Variants in METTL2B observed in about 807,000 individuals in gnomAD.
METTL2B encodes the protein tRNA N(3)-cytidine methyltransferase METTL2B.
Under a neutral mutation model 51.0 loss-of-function variants are expected in METTL2B, and 28 were observed. The observed-to-expected ratio is 0.55, with a 90% confidence interval of 0.41 to 0.75. The LOEUF (loss-of-function observed/expected upper bound fraction) is 0.75. Ranked by LOEUF, METTL2B falls within the 30% of genes least tolerant of loss-of-function variation. The probability of loss-of-function intolerance (pLI) is 0.00; values close to 1 mark genes in which losing one functional copy is unlikely to be tolerated. For synonymous variants in METTL2B, 128 were observed against 166.3 expected, an observed-to-expected ratio of 0.77 and a Z score of 1.77; for missense variants, 313 against 460.7, an observed-to-expected ratio of 0.68 and a Z score of 2.93.
rs1792832867 is a variant in METTL2B, at chr7:128,491,561, TC to T, written c.670-2241del. On this transcript the variant is annotated intron_variant, in intron 5 of 8. Transcript: ENST00000262432. The stretch of plus-strand genomic sequence containing the variant: ...GTGAGCCAAGATCACGCCATTGCAC[TC>T]CAGCCTGGGCTACAAGAGCGAAACT... Among the ~76,000 whole-genome samples the T allele has an allele frequency of 2.7e-5, 4 of 148,454 alleles. No individual in the cohort carries two copies. The South Asian group carries it at 8.6e-4, about 32-fold the overall frequency.
chr7:128,479,876 T>C (rs1799851302), intron 3 of METTL2B, among the ~76,000 whole-genome samples: 2 of 152,246 alleles, frequency 1.3e-5, no homozygotes, highest in Admixed American at 1.3e-4. Context: ...TTGTTGCTTC[T>C]CTTCTAATAC....
chr7:128,501,071 G>A, intron 8 of METTL2B, 103 bp downstream of exon 8: 1 of 1,569,640 alleles, frequency 6.4e-7, no homozygotes, highest in South Asian at 1.2e-5. Flanking sequence ...CTTTTAGGCA[G>A]GCTGTTTCCT....
rs370772004 is a variant in METTL2B, at chr7:128,478,413, G to A, written c.203-745G>A. Among the ~76,000 whole-genome samples, 4 of 151,646 alleles carry A rather than the reference G, an allele frequency of 2.6e-5. No individual in the cohort carries two copies. The East Asian group carries it at 7.8e-4, about 30-fold the overall frequency. On this transcript the variant is annotated intron_variant, in intron 2 of 8. Coordinates refer to ENST00000262432, the MANE Select transcript of METTL2B (RefSeq NM_018396.3). ...CTACAGGTGTGCACCACCATGCCTGGCTAATTTTTTGTATTTTGGTACAGA... is the reference window on the plus strand; with the variant it reads ...CTACAGGTGTGCACCACCATGCCTGACTAATTTTTTGTATTTTGGTACAGA...
chr7:128,498,093 T>C lies in METTL2B; in HGVS notation c.867T>C (p.Leu289=), dbSNP rs1792958218. ...TTCTGAAACCTGGGGGGATGGTACT[T>C]CTGCGAGATTACGGCCGCTATGACA... The part of the protein sequence containing the change: ...SRLLKPGGMV[L]LRDYGRYDMA... Residue 289 remains leucine, a synonymous_variant, in exon 7 of 9, where the codon CTT becomes CTC. Coordinates refer to ENST00000262432, the MANE Select transcript of METTL2B (RefSeq NM_018396.3). 6.2e-7 allele frequency: 1 copy of C among 1,613,998 alleles called. No homozygotes were observed. Among genetic ancestry groups the C allele is most frequent in the East Asian group, 2.2e-5 (1 of 44,876 alleles).
chr7:128,501,085 G>GT (rs1211583130), intron 8 of METTL2B, 117 bp downstream of exon 8: 1 of 1,549,022 alleles, frequency 6.5e-7, no homozygotes, highest in East Asian at 2.3e-5. Flanking sequence ...GTTTCCTTCG[G>GT]TTCCCCGCTG....
chr7:128,489,703 A>C lies in METTL2B; in HGVS notation c.669+1542A>C, dbSNP rs1218521978. 2.2e-5 allele frequency among the ~76,000 whole-genome samples: 3 copies of C among 135,752 alleles called. No individual in the cohort carries two copies. In the South Asian group the frequency reaches 7.3e-4, roughly 33 times the overall value. The allele number at this position is 135,752 out of a possible 152,430, so 89.1% of individuals were successfully genotyped here. ...GACTGCAGTGGCGGGATCTCGGCTC[A>C]CTGCAAGCTCCGCCTCCCGGGTTCA... On this transcript the variant is annotated intron_variant, in intron 5 of 8. Transcript: ENST00000262432.
chr7:128,482,445 C>T (rs567715635), intron 4 of METTL2B, among the ~76,000 whole-genome samples: 15 of 152,270 alleles, frequency 9.9e-5, no homozygotes, highest in South Asian at 2.1e-4. Flanking sequence ...TGAGCCGCCG[C>T]GCCCAGCCTG....
chr7:128,476,826 G>C lies in METTL2B; in HGVS notation c.61G>C (p.Gly21Arg). The C allele has an allele frequency of 6.2e-7, 1 of 1,614,142 alleles. No homozygotes were observed. The highest frequency in any genetic ancestry group is 1.1e-5 in the South Asian group (1 of 91,082). ...CCTCGCCGATAAGAGGCAGCAGTTCGGAAGCCGGTTCCTGAGCGATCCGGC... is the reference window on the plus strand; with the variant it reads ...CCTCGCCGATAAGAGGCAGCAGTTCCGAAGCCGGTTCCTGAGCGATCCGGC... Reference protein sequence around the residue: ...AILADKRQQFGSRFLSDPARV... With the variant: ...AILADKRQQFRSRFLSDPARV... The change falls in exon 1 of 9, where the codon GGA becomes CGA. Residue 21 changes from glycine to arginine, a missense_variant. Transcript: ENST00000262432.
chr7:128,497,308 A>G (rs1792942086), intron 6 of METTL2B, among the ~76,000 whole-genome samples: 1 of 152,192 alleles, frequency 6.6e-6, no homozygotes, highest in African/African-American at 2.4e-5. Context: ...AGCAAACAGA[A>G]AGATACAGCC....
At position 128,505,097 on chromosome 7, in the gene METTL2B, CAAAAAAAA is replaced by C. The variant is rs60476282; in HGVS notation, c.*3195_*3202del. 5.1e-5 allele frequency: 3 copies of C among 58,870 alleles called. No individual in the cohort carries two copies. The highest frequency in any genetic ancestry group is 7.4e-5 in the African/African-American group (1 of 13,500). The allele number at this position is 58,870 out of a possible 1,614,324, so 3.6% of individuals were successfully genotyped here. ...GGGCAACAAGAGTGAAACTCCGTCT[CAAAAAAAA>C]AAAAAAAAAAAAATTAGCTGGGCAT... On this transcript the variant is annotated 3_prime_UTR_variant, in exon 9 of 9. Coordinates refer to ENST00000262432, the MANE Select transcript of METTL2B (RefSeq NM_018396.3).
At chr7:128,496,296 C>A (rs1329100710) in intron 6 of METTL2B, among the ~76,000 whole-genome samples, 1 of 152,126 alleles carries the variant, frequency 6.6e-6, no homozygotes, top group Non-Finnish European at 1.5e-5. Flanking sequence ...TATAATCCCA[C>A]CACTTTGGGA....
intron 4 of METTL2B, among the ~76,000 whole-genome samples, chr7:128,480,978 C>CT (rs1799865792): frequency 6.6e-6 from 1 of 152,166 alleles, no homozygotes; most frequent in Non-Finnish European, 1.5e-5. Context: ...ATTTGATTAT[C>CT]TTTATCATTT....
At chr7:128,496,926 GCCTGCCACCAT>G (rs1792933430) in intron 6 of METTL2B, among the ~76,000 whole-genome samples, 1 of 152,072 alleles carries the variant, frequency 6.6e-6, no homozygotes, top group African/African-American at 2.4e-5. Context: ...GATTACAGGT[GCCTGCCACCAT>G]CCCTGGCTAA....
In METTL2B at chr7:128,504,108, C is replaced by T. The variant is rs1156300390; in HGVS notation, c.*2192C>T. On this transcript the variant is annotated 3_prime_UTR_variant, in exon 9 of 9. Transcript: ENST00000262432. ...AGTCCATTTTTTTCTGATGTCCCAA[C>T]ATCAGCAAATATATTACCAAATATA... 1.3e-5 allele frequency: 2 copies of T among 152,112 alleles called. No homozygotes were observed. The highest frequency in any genetic ancestry group is 2.9e-5 in the Non-Finnish European group (2 of 68,036). The allele number at this position is 152,112 out of a possible 1,614,324, so 9.4% of individuals were successfully genotyped here. A position where few individuals can be genotyped will look rare whatever the true frequency, so the allele number is the denominator to read the frequency against.
chr7:128,501,872 A>G lies in METTL2B; in HGVS notation c.1093A>G (p.Ile365Val). The G allele has an allele frequency of 6.2e-7, 1 of 1,614,178 alleles. No homozygotes were observed. The highest frequency in any genetic ancestry group is 2.2e-5 in the East Asian group (1 of 44,886). The change falls in exon 9 of 9, where the codon ATT (isoleucine) becomes GTT (valine). Residue 365 changes from isoleucine to valine, a missense_variant. Ile to Val is a conservative substitution (Grantham distance 29). This residue lies in a region of METTL2B where 138 missense variants were observed against 187.6 expected (regional missense o/e 0.74). Transcript: ENST00000262432. ...GKQLTMYRVW[I>V]QCKYCKPLLS... is the part of the protein sequence containing the mutation. ...GCAACTGACAATGTACCGGGTTTGG[A>G]TTCAGTGCAAATACTGCAAGCCCCT...
intron 6 of METTL2B, among the ~76,000 whole-genome samples, chr7:128,495,936 C>T (rs965183578): frequency 2.6e-5 from 4 of 152,160 alleles, no homozygotes; most frequent in African/African-American, 9.7e-5. Context: ...AACATCTCCT[C>T]ATTCTGTATC....
intron 4 of METTL2B, chr7:128,483,129 G>A (rs777509553): frequency 1.6e-4 from 24 of 152,200 alleles, no homozygotes; most frequent in Admixed American, 3.9e-4. Flanking sequence ...ATGGGAGATT[G>A]ACTTAGCTTC....
At position 128,480,632 on chromosome 7, in the gene METTL2B, C is replaced by T. The variant is rs769613127; in HGVS notation, c.559-15C>T. The T allele has an allele frequency of 3.8e-6, 6 of 1,599,660 alleles. No individual in the cohort carries two copies. The highest frequency in any genetic ancestry group is 5.1e-6 in the Non-Finnish European group (6 of 1,176,580). ...CTGGAAAGTTCTGTGATTAATAGTT[C>T]ATTTCTGTCTGCAGGTTGGCTGTGG... On this transcript the variant is annotated splice_polypyrimidine_tract_variant and intron_variant, in intron 3 of 8. Coordinates refer to ENST00000262432, the MANE Select transcript of METTL2B (RefSeq NM_018396.3).
At chr7:128,501,621 C>CCACCACTTGGTATAAATG in intron 8 of METTL2B, 141 bp from the exon 9 acceptor site, 1 of 1,477,890 alleles carries the variant, frequency 6.8e-7, no homozygotes, top group Non-Finnish European at 9.0e-7. Flanking sequence ...TGTTACCAAG[C>CCACCACTTGGTATAAATG]CACCACTGCA....
Sources: allele counts gnomAD v4.1 joint callset (sites outside exome capture counted in the v4.1 genomes callset), GRCh38; gene constraint gnomAD v4.1.1; regional missense constraint gnomAD v4.1.1; transcripts MANE v1.5; gene names NCBI Gene and HGNC (gene_info 2026-07-23, HGNC 2026-07-21).